LAMC3: variants seen among roughly 807,000 people sequenced by gnomAD.
LAMC3 encodes the protein laminin subunit gamma-3.
A neutral mutation model predicts 173.8 loss-of-function variants in LAMC3; 128 were observed. The ratio of observed to expected loss-of-function variants is 0.74; its 90% CI spans 0.64 to 0.85. The LOEUF is 0.85. LAMC3 is among the 40% of genes least tolerant of loss of function. The pLI, the probability that LAMC3 is intolerant of heterozygous loss-of-function variation, is 0.00. For synonymous variants in LAMC3, 897 were observed against 909.1 expected (o/e 0.99, Z 0.24); for missense variants, 2,022 against 2,156.0 (o/e 0.94, Z 1.23).
intron 3 of LAMC3, among the ~76,000 whole-genome samples, chr9:131,035,016 T>C (rs1045086153): frequency 1.3e-5 from 2 of 152,244 alleles, no homozygotes; most frequent in African/African-American, 2.4e-5. Context: ...AATGGCACGA[T>C]CTCGGCTCAC....
intron 1 of LAMC3, among the ~76,000 whole-genome samples, chr9:131,025,435 A>T (rs1247512140): frequency 6.6e-6 from 1 of 152,140 alleles, no homozygotes; most frequent in African/African-American, 2.4e-5. Context: ...GCAGGTGCCT[A>T]AAGCCTGCAG....
chr9:131,069,612 C>T (rs1830002951), intron 16 of LAMC3, 60 bp from the exon 17 acceptor site: 2 of 1,540,766 alleles, frequency 1.3e-6, no homozygotes, highest in Non-Finnish European at 8.8e-7. Context: ...CCCTCTAAAC[C>T]CAGCACGCAC....
chr9:131,027,171 C>G (rs182458977), intron 2 of LAMC3, among the ~76,000 whole-genome samples: 3 of 152,344 alleles, frequency 2.0e-5, no homozygotes, highest in Admixed American at 1.3e-4. Context: ...CTCCCAGGAG[C>G]CTGTGAGGGC....
Position 131,061,168 on chromosome 9 carries a change from G to A in LAMC3, c.2292G>A (p.Thr764=), listed in dbSNP as rs912847267. 6 of 1,612,450 alleles carry A rather than the reference G, an allele frequency of 3.7e-6. No homozygotes were observed. Among genetic ancestry groups the A allele is most frequent in the East Asian group, 2.2e-5 (1 of 44,878 alleles). The change falls in exon 13 of 28, where the codon ACG becomes ACA. Residue 764 remains threonine, a synonymous_variant. Coordinates refer to ENST00000361069, the MANE Select transcript of LAMC3 (RefSeq NM_006059.4). ...PCPCPGQSAC[T]TIPESREVVC... is the part of the protein sequence containing the mutation. Reference sequence around the variant, plus strand: ...CCTGCCCTGGCCAGTCGGCCTGTACGACCATCCCAGAGAGCCGGGAGGTGG... The same window carrying A: ...CCTGCCCTGGCCAGTCGGCCTGTACAACCATCCCAGAGAGCCGGGAGGTGG...
rs746181957 is a variant in LAMC3 at position 131,009,273 on chromosome 9, C to T, written c.59C>T (p.Ala20Val). 34 of 1,317,652 alleles carry T rather than the reference C, an allele frequency of 2.6e-5. No homozygotes were observed. In the South Asian group the frequency reaches 6.9e-4, roughly 27 times the overall value. The allele number at this position is 1,317,652 out of a possible 1,614,324, so 81.6% of individuals were successfully genotyped here. A position where few individuals can be genotyped will look rare whatever the true frequency, so the allele number is the denominator to read the frequency against. ...LALLAPRAAGAGMGACYDGAG... is the reference protein window; with the variant it reads ...LALLAPRAAGVGMGACYDGAG... ...CTGCTGGCACCGCGGGCGGCCGGCG[C>T]GGGCATGGGCGCGTGCTATGACGGC... Residue 20 changes from alanine to valine, a missense_variant, in exon 1 of 28, where the codon GCG becomes GTG. By Grantham distance (64) the Ala-to-Val change is moderately conservative. Coordinates refer to ENST00000361069, the MANE Select transcript of LAMC3 (RefSeq NM_006059.4). This position sits in a 1 kb window ranked among gnomAD's most constrained non-coding sequence, Gnocchi z 4.3.
chr9:131,035,545 T>G (rs554414588), intron 3 of LAMC3, among the ~76,000 whole-genome samples: 1 of 152,016 alleles, frequency 6.6e-6, no homozygotes, highest in South Asian at 2.1e-4. Flanking sequence ...AACCTGATGA[T>G]CCAATCAGCT....
rs537864425 is a variant in LAMC3 at position 131,069,832 on chromosome 9, C to A, written c.3051C>A (p.Tyr1017Ter). 4.4e-6 allele frequency: 7 copies of A among 1,591,376 alleles called. No homozygotes were observed. Among genetic ancestry groups the A allele is most frequent in the Non-Finnish European group, 6.0e-6 (7 of 1,168,574 alleles). ...GTHCQQCPSCYALVKEEAAKL... is the reference protein window; with the variant it reads ...GTHCQQCPSC ...ACTGCCAGCAATGTCCGTCCTGCTA[C>A]GCCCTGGTGAAGGAGGAGGTGAGTC... Residue 1017 changes from tyrosine (Y) to a stop codon, truncating the protein, a stop_gained, in exon 17 of 28, where the codon TAC becomes TAA. Coordinates refer to ENST00000361069, the MANE Select transcript of LAMC3 (RefSeq NM_006059.4). LOFTEE classifies it high-confidence loss of function.
At chr9:131,082,220 C>T (rs1299365340) in intron 24 of LAMC3, 59 bp downstream of exon 24, 2 of 1,251,984 alleles carry the variant, frequency 1.6e-6, no homozygotes, top group East Asian at 5.0e-5. Flanking sequence ...GACAGCCACT[C>T]ACCTCTCGCC....
intron 1 of LAMC3, among the ~76,000 whole-genome samples, chr9:131,020,957 T>G (rs1465767427): frequency 1.3e-5 from 2 of 151,628 alleles, no homozygotes; most frequent in East Asian, 3.9e-4. Flanking sequence ...TTTTTTGATG[T>G]TTTTTTTTCT....
intron 4 of LAMC3, among the ~76,000 whole-genome samples, chr9:131,036,552 G>A (rs1050002565): frequency 7.9e-5 from 12 of 152,114 alleles, no homozygotes; most frequent in African/African-American, 2.9e-4. Flanking sequence ...AGCTTCCCTG[G>A]ACCAACTCTA....
At chr9:131,049,224 A>G (rs1834236978) in intron 9 of LAMC3, 94 bp downstream of exon 9, 5 of 774,344 alleles carry the variant, frequency 6.5e-6, no homozygotes, top group East Asian at 2.7e-5. Flanking sequence ...AAACAATGCC[A>G]GTTTATTCTC....
chr9:131,051,416 G>A (rs550786952), intron 9 of LAMC3, among the ~76,000 whole-genome samples: 100 of 147,520 alleles, frequency 6.8e-4, no homozygotes, highest in African/African-American at 2.3e-3. Flanking sequence ...CAAGGCTGGA[G>A]TGCATTGGCG....
At chr9:131,067,394 T>G (rs1051087328) in intron 14 of LAMC3, among the ~76,000 whole-genome samples, 189 bp downstream of exon 14, 3 of 152,100 alleles carry the variant, frequency 2.0e-5, no homozygotes, top group Non-Finnish European at 4.4e-5. Context: ...GGTTTGCCCC[T>G]CTCCCAGGTC....
In LAMC3 at chr9:131,092,310, C is replaced by T. The variant is rs1830440421; in HGVS notation, c.*523C>T. On this transcript the variant is annotated 3_prime_UTR_variant, in exon 28 of 28. Transcript: ENST00000361069. Reference sequence around the variant, plus strand: ...CAAGGGGGTCAGCAACAGCCAAAGCCCCTAGTCCCAGAGCTGGCTGCCCTC... The same window carrying T: ...CAAGGGGGTCAGCAACAGCCAAAGCTCCTAGTCCCAGAGCTGGCTGCCCTC... 1 of 174,126 alleles carries T rather than the reference C, an allele frequency of 5.7e-6. No individual in the cohort carries two copies. Among genetic ancestry groups the T allele is most frequent in the African/African-American group, 2.4e-5 (1 of 42,336 alleles). The allele number at this position is 174,126 out of a possible 1,614,324, so 10.8% of individuals were successfully genotyped here.
At chr9:131,055,232 C>T (rs1402522645) in intron 11 of LAMC3, among the ~76,000 whole-genome samples, 2 of 152,098 alleles carry the variant, frequency 1.3e-5, no homozygotes, top group Non-Finnish European at 2.9e-5. Flanking sequence ...AAAGGCTGCT[C>T]TGATGAGGAG....
At chr9:131,032,230 C>T (rs1343539873) in intron 3 of LAMC3, 55 bp downstream of exon 3, 24 of 955,934 alleles carry the variant, frequency 2.5e-5, no homozygotes, top group African/African-American at 4.2e-5. Flanking sequence ...AACCCGAGAG[C>T]GGAAGGTGGC....
rs1189184281 is a variant in LAMC3, at chr9:131,075,831, C to G, written c.3495C>G (p.Ser1165Arg). The change falls in exon 21 of 28, where the codon AGC becomes AGG. Residue 1165 changes from serine (S) to arginine (R), a missense_variant and splice_region_variant. Transcript: ENST00000361069. ...LATEARALAR[S>R]HRDTATKIAA... Reference sequence around the variant, plus strand: ...TGCTCAGGTGGGTGTCCTCACACAGCCACAGAGACACCGCCACCAAGATCG... The same window carrying G: ...TGCTCAGGTGGGTGTCCTCACACAGGCACAGAGACACCGCCACCAAGATCG... 1 of 1,610,438 alleles carries G rather than the reference C, an allele frequency of 6.2e-7. No individual in the cohort carries two copies. Among genetic ancestry groups the G allele is most frequent in the African/African-American group, 1.3e-5 (1 of 74,878 alleles).
intron 4 of LAMC3, among the ~76,000 whole-genome samples, chr9:131,038,546 A>G (rs916344093): frequency 2.6e-5 from 4 of 152,026 alleles, no homozygotes; most frequent in African/African-American, 9.7e-5. Context: ...CTGCCACTCC[A>G]GAAGGCAGCC....
At chr9:131,051,986 GCAA>G (rs1269766263) in intron 9 of LAMC3, among the ~76,000 whole-genome samples, 1 of 152,180 alleles carries the variant, frequency 6.6e-6, no homozygotes, top group Non-Finnish European at 1.5e-5. Context: ...CGAGTTCAGG[GCAA>G]GTTCTGATTG....
Sources: gnomAD v4.1 joint callset for allele counts (sites outside exome capture counted in the v4.1 genomes callset) on GRCh38, gnomAD v4.1.1 for gene constraint, Gnocchi (gnomAD v3.1) non-coding constraint, MANE v1.5 for transcripts, NCBI Gene and HGNC (gene_info 2026-07-23, HGNC 2026-07-21) for gene names.